The following PDE4B variants were observed in gnomAD, a reference collection of about 807,000 sequenced individuals.
PDE4B encodes phosphodiesterase 4B.
In PDE4B, 20 loss-of-function variants were observed where a neutral mutation model predicts 82.2. That is an observed-to-expected ratio of 0.24 (90% CI 0.17 to 0.35). PDE4B has a LOEUF of 0.35. PDE4B is among the 10% of genes least tolerant of loss of function. The probability of loss-of-function intolerance (pLI) is 1.00; values close to 1 mark genes in which losing one functional copy is unlikely to be tolerated. For missense variants in PDE4B, 655 were observed against 907.2 expected (o/e 0.72, Z 3.57); for synonymous variants, 320 against 318.9 (o/e 1.00, Z -0.04).
Position 66,365,650 on chromosome 1 carries a change from GT to G in PDE4B, c.1285-14del. On this transcript the variant is annotated splice_polypyrimidine_tract_variant and intron_variant, in intron 12 of 16. Transcript: ENST00000341517. Reference sequence around the variant, plus strand: ...GCGAATTGGATGTGTAGTTAAATGTGTTTATTTGCCCGACAGGCTGTCTTCA... The same window carrying G: ...GCGAATTGGATGTGTAGTTAAATGTGTTATTTGCCCGACAGGCTGTCTTCA... The G allele has an allele frequency of 6.5e-7, 1 of 1,531,354 alleles. No individual in the cohort carries two copies. The highest frequency in any genetic ancestry group is 9.0e-7 in the Non-Finnish European group (1 of 1,106,980). 94.9% of individuals were successfully genotyped at this position (1,531,354 alleles called of 1,614,324 possible). A position where few individuals can be genotyped will look rare whatever the true frequency, so the allele number is the denominator to read the frequency against.
intron 3 of PDE4B, among the ~76,000 whole-genome samples, chr1:66,045,277 G>A (rs1312639753): frequency 6.6e-6 from 1 of 150,466 alleles, no homozygotes; most frequent in Admixed American, 6.7e-5. Flanking sequence ...TTTTTTGTGG[G>A]TACTCCCTTC....
At chr1:66,011,526 T>C (rs1446863642) in intron 3 of PDE4B, among the ~76,000 whole-genome samples, 2 of 152,108 alleles carry the variant, frequency 1.3e-5, no homozygotes, top group African/African-American at 4.8e-5. Flanking sequence ...ATCACAATGG[T>C]AAATTTTATT....
At chr1:65,916,589 G>T (rs1015951305) in intron 2 of PDE4B, among the ~76,000 whole-genome samples, 7 of 151,978 alleles carry the variant, frequency 4.6e-5, no homozygotes, top group African/African-American at 7.3e-5. Context: ...TGCATATTTG[G>T]AACTAGACTG....
chr1:66,145,927 G>A (rs1358638112), intron 3 of PDE4B, among the ~76,000 whole-genome samples: 3 of 152,098 alleles, frequency 2.0e-5, no homozygotes, highest in South Asian at 4.1e-4. Flanking sequence ...AAGATTTTGT[G>A]TGTGTCTGTG....
chr1:66,119,185 G>T (rs1383011312), intron 3 of PDE4B, among the ~76,000 whole-genome samples: 3 of 152,156 alleles, frequency 2.0e-5, no homozygotes, highest in Admixed American at 6.5e-5. Context: ...TTTCAAAGGT[G>T]TTTTATGAAG....
At chr1:66,121,826 G>A (rs1301627037) in intron 3 of PDE4B, among the ~76,000 whole-genome samples, 1 of 152,130 alleles carries the variant, frequency 6.6e-6, no homozygotes, top group Admixed American at 6.5e-5. Flanking sequence ...CAACTTATTA[G>A]CTGTTCATTG....
At chr1:66,265,697 T>TGTGAA (rs3031597) in intron 6 of PDE4B, among the ~76,000 whole-genome samples, 59,175 of 151,738 alleles carry the variant, frequency 0.39, 13,571 homozygotes, top group Non-Finnish European at 0.52. Flanking sequence ...ACTCTGGCAT[T>TGTGAA]TCGAGTGATG....
rs1660210179 is a variant in PDE4B at position 66,332,638 on chromosome 1, T to C, written c.747+18T>C. On this transcript the variant is annotated intron_variant, in intron 8 of 16. Transcript: ENST00000341517. The stretch of plus-strand genomic sequence containing the variant: ...CTAACAAGGTAAGAGATGATCTTTT[T>C]ATTCATTAAAGTGTGATCATGCAGG... 6.2e-7 allele frequency: 1 copy of C among 1,610,736 alleles called. No individual in the cohort carries two copies. Among genetic ancestry groups the C allele is most frequent in the Admixed American group, 1.7e-5 (1 of 59,818 alleles).
intron 4 of PDE4B, among the ~76,000 whole-genome samples, chr1:66,254,330 A>T (rs150380346): frequency 6.6e-6 from 1 of 152,212 alleles, no homozygotes; most frequent in East Asian, 1.9e-4. Flanking sequence ...TTGGGAAAAA[A>T]GGTTGGAAAG....
chr1:66,303,317 G>A (rs1169403082), intron 7 of PDE4B, among the ~76,000 whole-genome samples: 1 of 148,928 alleles, frequency 6.7e-6, no homozygotes, highest in East Asian at 2.0e-4. Context: ...TATTTATGGT[G>A]TATAGCATGA....
At chr1:66,067,196 A>G (rs1340102990) in intron 3 of PDE4B, among the ~76,000 whole-genome samples, 3 of 152,056 alleles carry the variant, frequency 2.0e-5, no homozygotes, top group African/African-American at 4.8e-5. Context: ...TCCTTTGGGT[A>G]TATACCCAGT....
chr1:66,036,891 T>C (rs971811547), intron 3 of PDE4B, among the ~76,000 whole-genome samples: 3 of 152,064 alleles, frequency 2.0e-5, no homozygotes, highest in Admixed American at 6.6e-5. Flanking sequence ...TCCCAACACT[T>C]TGGGGGGCCA....
intron 3 of PDE4B, among the ~76,000 whole-genome samples, chr1:65,952,812 G>T (rs989385133): frequency 1.3e-5 from 2 of 152,148 alleles, no homozygotes; most frequent in Admixed American, 6.5e-5. Context: ...GATGGTAATA[G>T]TAATATCTAC....
chr1:65,879,572 A>G (rs370158462), intron 1 of PDE4B, among the ~76,000 whole-genome samples: 26 of 152,170 alleles, frequency 1.7e-4, no homozygotes, highest in African/African-American at 5.8e-4. Context: ...GCTAAGAAAA[A>G]GAATGTGACG....
chr1:66,011,508 G>A (rs1460861124), intron 3 of PDE4B, among the ~76,000 whole-genome samples: 1 of 152,004 alleles, frequency 6.6e-6, no homozygotes, highest in Non-Finnish European at 1.5e-5. Flanking sequence ...ATATTTTTAA[G>A]AAAGAGTATC....
intron 3 of PDE4B, among the ~76,000 whole-genome samples, chr1:66,231,985 G>A (rs1371163911): frequency 6.6e-6 from 1 of 152,166 alleles, no homozygotes; most frequent in African/African-American, 2.4e-5. Flanking sequence ...TTTGGCTTTG[G>A]GGAATGAAAT....
At chr1:65,987,842 C>T (rs1030870182) in intron 3 of PDE4B, among the ~76,000 whole-genome samples, 2 of 152,124 alleles carry the variant, frequency 1.3e-5, no homozygotes, top group African/African-American at 4.8e-5. Flanking sequence ...CTGAACCCCC[C>T]ACATCAGGTG....
intron 3 of PDE4B, among the ~76,000 whole-genome samples, chr1:66,143,556 C>T (rs1646214437): frequency 6.6e-6 from 1 of 152,060 alleles, no homozygotes; most frequent in African/African-American, 2.4e-5. Flanking sequence ...GGAGGTGATG[C>T]CATATAGTGG....
intron 1 of PDE4B, among the ~76,000 whole-genome samples, chr1:65,819,648 C>T (rs1453586131): frequency 6.6e-6 from 1 of 151,842 alleles, no homozygotes; most frequent in East Asian, 1.9e-4. Flanking sequence ...TATAGGCGCC[C>T]GCCACCGCGG....
Sources: gnomAD v4.1 joint callset for allele counts (sites outside exome capture counted in the v4.1 genomes callset) on GRCh38, gnomAD v4.1.1 for gene constraint, MANE v1.5 for transcripts, NCBI Gene and HGNC (gene_info 2026-07-23, HGNC 2026-07-21) for gene names.